APBB2: variants seen among roughly 807,000 people sequenced by gnomAD.
APBB2 encodes the protein Fe65-like 1.
Under a neutral mutation model 82.5 loss-of-function variants are expected in APBB2, and 38 were observed. The ratio of observed to expected loss-of-function variants is 0.46; its 90% CI spans 0.36 to 0.60. The LOEUF (loss-of-function observed/expected upper bound fraction) is 0.60. Ranked by LOEUF, APBB2 falls within the 20% of genes least tolerant of loss-of-function variation. The pLI is 0.00. For missense variants in APBB2, 772 were observed against 972.3 expected, an observed-to-expected ratio of 0.79 and a Z score of 2.74; for synonymous variants, 341 against 368.2, an observed-to-expected ratio of 0.93 and a Z score of 0.85.
At chr4:41,152,329 T>C in intron 1 of APBB2, among the ~76,000 whole-genome samples, 1 of 151,742 alleles carries the variant, frequency 6.6e-6, no homozygotes, top group Non-Finnish European at 1.5e-5. Context: ...TTTCTTCTTT[T>C]TTTTTTTTCT....
chr4:41,067,844 G>C (rs1732478534), intron 3 of APBB2, among the ~76,000 whole-genome samples: 1 of 152,212 alleles, frequency 6.6e-6, no homozygotes, highest in African/African-American at 2.4e-5. Context: ...AACAGAGCAA[G>C]TGGAAGAGCC....
rs1324729374 is a variant in APBB2, at chr4:40,812,566, T to C, written c.*3526A>G. On this transcript the variant is annotated 3_prime_UTR_variant, in exon 18 of 18. Coordinates refer to ENST00000508593, the MANE Select transcript of APBB2 (RefSeq NM_004307.2). ...GCCAACTAGAGAGCGAAGGGGCTTA[T>C]TAGTTAAATTGTGCTAATATCAGTT... 1 of 152,224 alleles carries C rather than the reference T, an allele frequency of 6.6e-6. No homozygotes were observed. Among genetic ancestry groups the C allele is most frequent in the Non-Finnish European group, 1.5e-5 (1 of 68,034 alleles). 9.4% of individuals were successfully genotyped at this position (152,224 alleles called of 1,614,324 possible).
chr4:41,146,508 T>G (rs1760797196), intron 1 of APBB2, among the ~76,000 whole-genome samples: 2 of 151,872 alleles, frequency 1.3e-5, no homozygotes. Flanking sequence ...AAAAAAGAAA[T>G]AAAGAAAACA....
chr4:41,000,752 A>C (rs1423840845), intron 6 of APBB2, among the ~76,000 whole-genome samples: 1 of 152,200 alleles, frequency 6.6e-6, no homozygotes, highest in Non-Finnish European at 1.5e-5. Flanking sequence ...CCAATCCAAT[A>C]ATCTTCCATT....
chr4:41,114,319 T>G (rs1750214039), intron 2 of APBB2, among the ~76,000 whole-genome samples: 1 of 152,220 alleles, frequency 6.6e-6, no homozygotes. Context: ...ATGGAACGTA[T>G]TTCAAAATAA....
chr4:41,015,754 A>G (rs1809733748), intron 5 of APBB2, among the ~76,000 whole-genome samples: 1 of 152,080 alleles, frequency 6.6e-6, no homozygotes, highest in Admixed American at 6.5e-5. Flanking sequence ...CCATTCTTTA[A>G]AGTTATTATT....
At chr4:40,941,013 C>T (rs1267964984) in intron 7 of APBB2, among the ~76,000 whole-genome samples, 1 of 152,200 alleles carries the variant, frequency 6.6e-6, no homozygotes, top group Non-Finnish European at 1.5e-5. Flanking sequence ...AAACATTATC[C>T]ACTGCGCTTA....
rs1745134015 is a variant in APBB2 at position 40,814,612 on chromosome 4, ACAT to A, written c.*1477_*1479del. On this transcript the variant is annotated 3_prime_UTR_variant, in exon 18 of 18. Transcript: ENST00000508593. ...TTGACAAGTACATAGCAGTGTATAAACATAAAGCATTACTTTTATAATTGGATG... is the reference window on the plus strand; with the variant it reads ...TTGACAAGTACATAGCAGTGTATAAAAAAGCATTACTTTTATAATTGGATG... The A allele has an allele frequency of 6.6e-6, 1 of 152,252 alleles. No individual in the cohort carries two copies. Among genetic ancestry groups the A allele is most frequent in the South Asian group, 2.1e-4 (1 of 4,836 alleles). 9.4% of individuals were successfully genotyped at this position (152,252 alleles called of 1,614,324 possible).
At chr4:41,009,955 A>C (rs16852684) in intron 6 of APBB2, among the ~76,000 whole-genome samples, 5,730 of 152,290 alleles carry the variant, frequency 0.038, 200 homozygotes, top group African/African-American at 0.097. Flanking sequence ...AGTATGTTTC[A>C]CAGGAAGGAT....
chr4:40,983,824 G>A (rs1249716807), intron 6 of APBB2, among the ~76,000 whole-genome samples: 1 of 152,118 alleles, frequency 6.6e-6, no homozygotes, highest in Non-Finnish European at 1.5e-5. Flanking sequence ...TGTTCCTCCC[G>A]CCTCGGCCTC....
chr4:41,115,639 C>T (rs1016486336), intron 2 of APBB2, among the ~76,000 whole-genome samples: 1 of 152,004 alleles, frequency 6.6e-6, no homozygotes, highest in Non-Finnish European at 1.5e-5. Flanking sequence ...AAAGACCCAT[C>T]AAAAAGTGGG....
At chr4:40,925,158 A>G (rs1374602334) in intron 10 of APBB2, among the ~76,000 whole-genome samples, 1 of 152,206 alleles carries the variant, frequency 6.6e-6, no homozygotes, top group Non-Finnish European at 1.5e-5. Flanking sequence ...CTCCTGGTAC[A>G]GTGCATTGAA....
chr4:41,012,903 C>G lies in APBB2; in HGVS notation c.835+680G>C, dbSNP rs181203464. On this transcript the variant is annotated intron_variant, in intron 6 of 17. Transcript: ENST00000508593. ...CTTTTAGGATCCTGTTCATTTCTGTCACCATTTTAACACCTCCGACAAATC... is the reference window on the plus strand; with the variant it reads ...CTTTTAGGATCCTGTTCATTTCTGTGACCATTTTAACACCTCCGACAAATC... 2.6e-5 allele frequency among the ~76,000 whole-genome samples: 4 copies of G among 152,286 alleles called. No homozygotes were observed. The East Asian group carries it at 7.7e-4, about 29-fold the overall frequency.
At chr4:40,910,475 C>T (rs886429702) in intron 10 of APBB2, among the ~76,000 whole-genome samples, 1 of 152,118 alleles carries the variant, frequency 6.6e-6, no homozygotes, top group African/African-American at 2.4e-5. Context: ...CTGGGCTCAA[C>T]AGATCCACCT....
intron 1 of APBB2, among the ~76,000 whole-genome samples, chr4:41,149,510 C>T (rs187376387): frequency 1.4e-5 from 2 of 147,780 alleles, no homozygotes; most frequent in African/African-American, 2.5e-5. Context: ...AAGGCACAGG[C>T]GTTAAGATCT....
intron 6 of APBB2, among the ~76,000 whole-genome samples, chr4:40,992,756 C>A (rs934813368): frequency 6.6e-6 from 1 of 152,114 alleles, no homozygotes; most frequent in Non-Finnish European, 1.5e-5. Flanking sequence ...GGGAGCTGCA[C>A]CACCCTCAGG....
At chr4:41,118,523 A>G (rs979920555) in intron 2 of APBB2, among the ~76,000 whole-genome samples, 8 of 152,206 alleles carry the variant, frequency 5.3e-5, no homozygotes, top group African/African-American at 1.9e-4. Context: ...ATATTATCAA[A>G]TGGCATCTAT....
chr4:41,153,218 TG>T (rs1762704425), intron 1 of APBB2, among the ~76,000 whole-genome samples: 1 of 152,170 alleles, frequency 6.6e-6, no homozygotes, highest in Non-Finnish European at 1.5e-5. Flanking sequence ...GATGCTTGGT[TG>T]AACTACTTGA....
chr4:40,963,331 C>T (rs1793785836), intron 6 of APBB2, among the ~76,000 whole-genome samples: 1 of 152,094 alleles, frequency 6.6e-6, no homozygotes, highest in African/African-American at 2.4e-5. Flanking sequence ...ACTGCAGCTT[C>T]AAACTCCTGG....
Sources: allele counts gnomAD v4.1 joint callset (sites outside exome capture counted in the v4.1 genomes callset), GRCh38; gene constraint gnomAD v4.1.1; transcripts MANE v1.5; gene names NCBI Gene and HGNC (gene_info 2026-07-23, HGNC 2026-07-21).